Variants in GRAMD2A observed in about 807,000 individuals in gnomAD.
GRAMD2A encodes the protein GRAM domain containing 2A.
A neutral mutation model predicts 51.1 loss-of-function variants in GRAMD2A; 37 were observed. The observed-to-expected ratio is 0.72, with a 90% CI of 0.56 to 0.95. GRAMD2A has a LOEUF of 0.95. GRAMD2A is among the 40% of genes least tolerant of loss of function. The pLI is 0.00. For synonymous variants in GRAMD2A, 136 were observed against 157.1 expected, an observed-to-expected ratio of 0.87 and a Z score of 1.01; for missense variants, 414 against 426.9, an observed-to-expected ratio of 0.97 and a Z score of 0.27.
intron 1 of GRAMD2A, among the ~76,000 whole-genome samples, chr15:72,186,509 G>A (rs1043164095): frequency 6.6e-6 from 1 of 152,008 alleles, no homozygotes; most frequent in Non-Finnish European, 1.5e-5. Flanking sequence ...ATTTTTAGTA[G>A]AGACAGGGTT....
At position 72,170,087 on chromosome 15, in the gene GRAMD2A, A is replaced by C; in HGVS notation, c.42-148T>G. 1 of 734,154 alleles carries C rather than the reference A, an allele frequency of 1.4e-6. No homozygotes were observed. The highest frequency in any genetic ancestry group is 2.5e-6 in the Non-Finnish European group (1 of 401,216). The allele number at this position is 734,154 out of a possible 1,614,324, so 45.5% of individuals were successfully genotyped here. ...TGACACTGAAAATGTCACAGTTCAG[A>C]GGCAGCAGCGCAGGCAGAGGTTCTG... On this transcript the variant is annotated intron_variant, in intron 1 of 11. Transcript: ENST00000309731. This position sits in a 1 kb window ranked among gnomAD's most constrained non-coding sequence, Gnocchi z 4.5.
At chr15:72,176,045 G>C (rs1298621761) in intron 1 of GRAMD2A, 2 of 152,470 alleles carry the variant, frequency 1.3e-5, no homozygotes, top group East Asian at 3.8e-4. Context: ...GCCCAGGGTG[G>C]CTGACTGATC....
At chr15:72,183,521 A>AAACAAC (rs3028402) in intron 1 of GRAMD2A, among the ~76,000 whole-genome samples, 81 of 149,616 alleles carry the variant, frequency 5.4e-4, no homozygotes, top group East Asian at 2.0e-3. Context: ...TCTCCATTAA[A>AAACAAC]AACAACAACA....
Position 72,166,401 on chromosome 15 carries a change from C to T in GRAMD2A, c.543+231G>A, listed in dbSNP as rs1402273195. On this transcript the variant is annotated intron_variant, in intron 7 of 11. Coordinates refer to ENST00000309731, the MANE Select transcript of GRAMD2A (RefSeq NM_001012642.3). This position sits in a 1 kb window ranked among gnomAD's most constrained non-coding sequence, Gnocchi z 4.1. ...GGGACATAAGCCCATGAACAAGGAG[C>T]ATCTGTATATGGGGACACACAGGGG... 6.6e-6 allele frequency among the ~76,000 whole-genome samples: 1 copy of T among 152,186 alleles called. No homozygotes were observed. The highest frequency in any genetic ancestry group is 2.4e-5 in the African/African-American group (1 of 41,438).
Position 72,163,461 on chromosome 15 carries a change from T to G in GRAMD2A, c.761A>C (p.Gln254Pro). The change falls in exon 10 of 12, where the codon CAA becomes CCA. Residue 254 changes from glutamine to proline, a missense_variant. Physicochemically the swap from Gln to Pro is moderately conservative, Grantham distance 76. Transcript: ENST00000309731. ...CCTCCCACCATTTTCTGAAGCTACT[T>G]GGGCTCTTGACTTTTCTTTATGGAT... ...KPPMSEKSRA[Q>P]VASENGGRWA... 6.2e-7 allele frequency: 1 copy of G among 1,614,102 alleles called. No individual in the cohort carries two copies.
intron 3 of GRAMD2A, 128 bp downstream of exon 3, chr15:72,168,811 G>T (rs2140547388): frequency 1.2e-6 from 1 of 858,690 alleles, no homozygotes; most frequent in South Asian, 1.4e-5. Flanking sequence ...ACCCAGGAAG[G>T]GATACACACT....
At position 72,168,578 on chromosome 15, in the gene GRAMD2A, C is replaced by G; in HGVS notation, c.193-12G>C. 1.2e-6 allele frequency: 2 copies of G among 1,611,452 alleles called. No individual in the cohort carries two copies. Among genetic ancestry groups the G allele is most frequent in the Non-Finnish European group, 1.7e-6 (2 of 1,177,796 alleles). On this transcript the variant is annotated splice_polypyrimidine_tract_variant and intron_variant, in intron 3 of 11. Coordinates refer to ENST00000309731, the MANE Select transcript of GRAMD2A (RefSeq NM_001012642.3). ...TTATTCAGTGTTATCTGCAAACACA[C>G]AGGCTGCGTCTGAGAAGCGCTGGGA...
intron 1 of GRAMD2A, among the ~76,000 whole-genome samples, chr15:72,184,005 C>G (rs1047872418): frequency 4.6e-5 from 7 of 152,354 alleles, no homozygotes; most frequent in Non-Finnish European, 7.3e-5. Context: ...TCCAGCTCAG[C>G]GCCACATCCC....
chr15:72,182,924 T>C (rs1009523632), intron 1 of GRAMD2A, among the ~76,000 whole-genome samples: 3 of 152,128 alleles, frequency 2.0e-5, no homozygotes, highest in Non-Finnish European at 4.4e-5. Flanking sequence ...CAGGTTAGAG[T>C]ACAGTGGCGC....
chr15:72,168,014 G>C (rs190709768), intron 4 of GRAMD2A, among the ~76,000 whole-genome samples, 175 bp from the exon 5 acceptor site: 157 of 152,264 alleles, frequency 1.0e-3, no homozygotes, highest in Non-Finnish European at 1.9e-3. Context: ...AGCGTCGAAG[G>C]GTCCTTCTCC....
chr15:72,171,835 A>ATTT (rs143285493), intron 1 of GRAMD2A, among the ~76,000 whole-genome samples: 3 of 144,408 alleles, frequency 2.1e-5, no homozygotes, highest in East Asian at 2.0e-4. Context: ...TGGCTTTTTT[A>ATTT]TTTTTTTTTT....
intron 1 of GRAMD2A, chr15:72,174,043 T>C (rs1239762715): frequency 6.6e-6 from 1 of 151,706 alleles, no homozygotes. Context: ...CCTGTCTCTC[T>C]GCTGATAATG....
At position 72,165,444 on chromosome 15, in the gene GRAMD2A, A is replaced by C. The variant is rs777792758; in HGVS notation, c.544-34T>G. The C allele has an allele frequency of 4.4e-6, 7 of 1,608,380 alleles. No homozygotes were observed. The South Asian group carries it at 7.7e-5, about 18-fold the overall frequency. ...GAAAGGGAACAGCAGTCACTTGTCCATCTGGAACAGGCAAGGTCAGGCAGG... is the reference window on the plus strand; with the variant it reads ...GAAAGGGAACAGCAGTCACTTGTCCCTCTGGAACAGGCAAGGTCAGGCAGG... On this transcript the variant is annotated intron_variant, in intron 7 of 11. Coordinates refer to ENST00000309731, the MANE Select transcript of GRAMD2A (RefSeq NM_001012642.3).
intron 9 of GRAMD2A, 59 bp downstream of exon 9, chr15:72,163,554 G>A: frequency 2.5e-6 from 4 of 1,593,556 alleles, no homozygotes; most frequent in Middle Eastern, 3.4e-4. Flanking sequence ...ATGGAACTGG[G>A]AAGACAGAAA....
At chr15:72,186,413 C>T (rs2081734495) in intron 1 of GRAMD2A, among the ~76,000 whole-genome samples, 1 of 152,022 alleles carries the variant, frequency 6.6e-6, no homozygotes, top group Admixed American at 6.6e-5. Context: ...CAACCTCCAC[C>T]TCCTGGGTTC....
At position 72,161,976 on chromosome 15, in the gene GRAMD2A, G is replaced by A. The variant is rs1596672168; in HGVS notation, c.*33C>T. 1 of 1,612,064 alleles carries A rather than the reference G, an allele frequency of 6.2e-7. No homozygotes were observed. Among genetic ancestry groups the A allele is most frequent in the Non-Finnish European group, 8.5e-7 (1 of 1,178,106 alleles). On this transcript the variant is annotated 3_prime_UTR_variant, in exon 12 of 12. Transcript: ENST00000309731. ...ACTTAGCACCCAGAACATTCTTCTT[G>A]GAGAAGGAATGGGGACAAAGGCCAA...
intron 1 of GRAMD2A, among the ~76,000 whole-genome samples, chr15:72,177,993 G>A (rs1039278070): frequency 2.6e-5 from 4 of 152,224 alleles, no homozygotes; most frequent in African/African-American, 9.6e-5. Flanking sequence ...CTCCCAAAGT[G>A]CTGGGATTAT....
chr15:72,177,021 A>G (rs1284141014), intron 1 of GRAMD2A, among the ~76,000 whole-genome samples: 2 of 151,744 alleles, frequency 1.3e-5, no homozygotes, highest in African/African-American at 4.8e-5. Flanking sequence ...GTATGCCACC[A>G]TGCCCAGCTA....
At chr15:72,169,432 C>A in intron 2 of GRAMD2A, 4 of 509,874 alleles carry the variant, frequency 7.8e-6, no homozygotes, top group South Asian at 6.2e-5. Flanking sequence ...CGGGGCCTGG[C>A]CACAGGCCAT....
Sources: gnomAD v4.1 joint callset for allele counts (sites outside exome capture counted in the v4.1 genomes callset) on GRCh38, gnomAD v4.1.1 for gene constraint, Gnocchi (gnomAD v3.1) non-coding constraint, MANE v1.5 for transcripts, NCBI Gene and HGNC (gene_info 2026-07-23, HGNC 2026-07-21) for gene names.